The following ADAMTS12 variants were observed in gnomAD, a reference collection of about 807,000 sequenced individuals.
ADAMTS12 encodes the protein A disintegrin and metalloproteinase with thrombospondin motifs 12.
ADAMTS12 carries 118 observed loss-of-function variants against 167.8 expected under a neutral mutation model. The ratio of observed to expected loss-of-function variants is 0.70; its 90% CI spans 0.61 to 0.82. The LOEUF is 0.82. ADAMTS12 is among the 40% of genes least tolerant of loss of function. The probability of loss-of-function intolerance (pLI) is 0.00; values close to 1 mark genes in which losing one functional copy is unlikely to be tolerated. For missense variants in ADAMTS12, 1,916 were observed against 1,998.8 expected, an observed-to-expected ratio of 0.96 and a Z score of 0.79; for synonymous variants, 704 against 716.9, an observed-to-expected ratio of 0.98 and a Z score of 0.29.
At chr5:33,781,177 T>C (rs1746111445) in intron 2 of ADAMTS12, among the ~76,000 whole-genome samples, 1 of 151,946 alleles carries the variant, frequency 6.6e-6, no homozygotes, top group African/African-American at 2.4e-5. Flanking sequence ...TACATAGATA[T>C]AGATAGATAT....
chr5:33,827,093 T>TC (rs1057454953), intron 2 of ADAMTS12, among the ~76,000 whole-genome samples: 1 of 151,338 alleles, frequency 6.6e-6, no homozygotes, highest in African/African-American at 2.4e-5. Context: ...AAAGACCTGG[T>TC]CCCTTTCTCA....
intron 5 of ADAMTS12, among the ~76,000 whole-genome samples, chr5:33,668,075 G>C (rs945349974): frequency 2.0e-5 from 3 of 152,130 alleles, no homozygotes; most frequent in Non-Finnish European, 4.4e-5. Flanking sequence ...TTACAACTGG[G>C]TTACGTCCTG....
intron 18 of ADAMTS12, 26 bp downstream of exon 18, chr5:33,588,573 G>A: frequency 1.9e-6 from 3 of 1,610,412 alleles, no homozygotes; most frequent in Non-Finnish European, 2.5e-6. Flanking sequence ...AATAATGCCA[G>A]TTTCCCCGCC....
chr5:33,620,548 A>G (rs1400801938), intron 14 of ADAMTS12, among the ~76,000 whole-genome samples: 2 of 152,260 alleles, frequency 1.3e-5, no homozygotes, highest in Non-Finnish European at 2.9e-5. Context: ...GTATTACTAC[A>G]GTCACTTTTA....
intron 3 of ADAMTS12, among the ~76,000 whole-genome samples, chr5:33,746,770 T>G (rs577172763): frequency 6.6e-6 from 1 of 152,346 alleles, no homozygotes; most frequent in East Asian, 1.9e-4. Flanking sequence ...TATAATCAGT[T>G]GGCTGTTAGT....
intron 2 of ADAMTS12, among the ~76,000 whole-genome samples, chr5:33,770,454 AG>A (rs1745695298): frequency 6.6e-6 from 1 of 152,168 alleles, no homozygotes. Flanking sequence ...AGGAGCTTTA[AG>A]TAAGTCCATC....
chr5:33,784,746 C>T (rs1746268664), intron 2 of ADAMTS12, among the ~76,000 whole-genome samples: 1 of 151,894 alleles, frequency 6.6e-6, no homozygotes, highest in South Asian at 2.1e-4. Context: ...AGACTCAAGT[C>T]TGGGAAATTC....
chr5:33,601,664 A>G (rs1738196279), intron 16 of ADAMTS12, among the ~76,000 whole-genome samples: 1 of 152,166 alleles, frequency 6.6e-6, no homozygotes, highest in Non-Finnish European at 1.5e-5. Flanking sequence ...GAACATTGAC[A>G]TTGACTTCAA....
At chr5:33,608,610 C>A (rs1285401471) in intron 16 of ADAMTS12, among the ~76,000 whole-genome samples, 2 of 152,142 alleles carry the variant, frequency 1.3e-5, no homozygotes, top group Non-Finnish European at 2.9e-5. Flanking sequence ...ATGAACCCAC[C>A]TTTTCACGTG....
intron 3 of ADAMTS12, 75 bp downstream of exon 3, chr5:33,751,328 TA>T: frequency 6.3e-7 from 1 of 1,582,270 alleles, no homozygotes; most frequent in Non-Finnish European, 8.7e-7. Context: ...TGAGTAAGAA[TA>T]GGTCATGTTT....
At chr5:33,669,465 T>A (rs535005323) in intron 5 of ADAMTS12, among the ~76,000 whole-genome samples, 6 of 152,304 alleles carry the variant, frequency 3.9e-5, no homozygotes, top group African/African-American at 1.4e-4. Flanking sequence ...GTAGGATATG[T>A]CATTAGTTCT....
intron 3 of ADAMTS12, among the ~76,000 whole-genome samples, chr5:33,709,439 A>G (rs773174952): frequency 1.2e-4 from 19 of 152,366 alleles, no homozygotes; most frequent in Admixed American, 4.6e-4. Context: ...ACAATAGCAA[A>G]GATATGAAAT....
At chr5:33,685,198 C>A (rs939498338) in intron 3 of ADAMTS12, among the ~76,000 whole-genome samples, 1 of 152,222 alleles carries the variant, frequency 6.6e-6, no homozygotes. Context: ...AACCTCATGT[C>A]CCCTTCCTAA....
chr5:33,766,149 G>A (rs1745522590), intron 2 of ADAMTS12, among the ~76,000 whole-genome samples: 1 of 152,134 alleles, frequency 6.6e-6, no homozygotes, highest in South Asian at 2.1e-4. Flanking sequence ...GTTTCAAAGA[G>A]CAGAGTATTA....
At chr5:33,604,775 A>G (rs1561162014) in intron 16 of ADAMTS12, among the ~76,000 whole-genome samples, 1 of 152,200 alleles carries the variant, frequency 6.6e-6, no homozygotes, top group East Asian at 1.9e-4. Context: ...CTGCAAAAGT[A>G]TTAGAAAGGG....
chr5:33,824,503 G>A (rs963086393), intron 2 of ADAMTS12, among the ~76,000 whole-genome samples: 1 of 152,152 alleles, frequency 6.6e-6, no homozygotes, highest in Non-Finnish European at 1.5e-5. Context: ...AAAAACAAAT[G>A]AGCAATCATA....
chr5:33,611,048 GA>G (rs58392898), intron 16 of ADAMTS12, among the ~76,000 whole-genome samples: 3 of 149,924 alleles, frequency 2.0e-5, no homozygotes, highest in African/African-American at 7.3e-5. Context: ...CTGGGTGACA[GA>G]AAAAAAAAGT....
intron 16 of ADAMTS12, chr5:33,603,606 G>T (rs1418805200): frequency 1.3e-5 from 2 of 152,180 alleles, no homozygotes; most frequent in African/African-American, 4.8e-5. Flanking sequence ...AGCTGTCACT[G>T]GTGTTCTCTG....
Position 33,881,339 on chromosome 5 carries a change from C to T in ADAMTS12, c.269G>A (p.Trp90Ter). 6.2e-7 allele frequency: 1 copy of T among 1,614,210 alleles called. No homozygotes were observed. The highest frequency in any genetic ancestry group is 8.5e-7 in the Non-Finnish European group (1 of 1,180,032). Residue 90 changes from tryptophan (W) to a stop codon, truncating the protein, a stop_gained, in exon 2 of 24, where the codon TGG (tryptophan) becomes TAG (stop). Coordinates refer to ENST00000504830, the MANE Select transcript of ADAMTS12 (RefSeq NM_030955.4). LOFTEE classifies it high-confidence loss of function. ...RKRDLDGSEDWVYYRISHEEK... is the reference protein window; with the variant it reads ...RKRDLDGSED ...CTCGTGAGAAATTCTGTAGTACACC[C>T]AGTCCTCTGAGCCATCCAAATCTCT...
Sources: gnomAD v4.1 joint callset for allele counts (sites outside exome capture counted in the v4.1 genomes callset) on GRCh38, gnomAD v4.1.1 for gene constraint, MANE v1.5 for transcripts, NCBI Gene and HGNC (gene_info 2026-07-23, HGNC 2026-07-21) for gene names.